Variants in PPP5C observed in about 807,000 individuals in gnomAD.
PPP5C encodes serine/threonine-protein phosphatase 5.
Under a neutral mutation model 66.7 loss-of-function variants are expected in PPP5C, and 21 were observed. The ratio of observed to expected loss-of-function variants is 0.31; its 90% CI spans 0.22 to 0.45. PPP5C has a LOEUF of 0.45. PPP5C is among the 20% of genes least tolerant of loss of function. The probability of loss-of-function intolerance (pLI) is 1.00; values close to 1 mark genes in which losing one functional copy is unlikely to be tolerated. For synonymous variants in PPP5C, 246 were observed against 257.4 expected (o/e 0.96, Z 0.43); for missense variants, 464 against 675.9 (o/e 0.69, Z 3.48).
rs141536166 is a variant in PPP5C, at chr19:46,390,296, G to A, written c.1450G>A (p.Val484Ile). The A allele has an allele frequency of 1.1e-4, 181 of 1,591,840 alleles. No individual in the cohort carries two copies. In the African/African-American group the frequency reaches 1.9e-3, roughly 16 times the overall value. ...HQFTAVPHPN[V>I]KPMAYANTLL... ...CCTGGTCCCACAGCCTCATCCCAAC[G>A]TCAAGCCCATGGCCTATGCCAACAC... The change falls in exon 13 of 13, where the codon GTC becomes ATC. Residue 484 changes from valine to isoleucine, a missense_variant. Around this residue, in one of 2 missense-constraint regions of PPP5C, gnomAD observed 387 missense variants for 626.0 expected, o/e 0.62. Coordinates refer to ENST00000012443, the MANE Select transcript of PPP5C (RefSeq NM_006247.4).
chr19:46,347,928 T>A, intron 1 of PPP5C, among the ~76,000 whole-genome samples: 1 of 141,250 alleles, frequency 7.1e-6, no homozygotes, highest in Non-Finnish European at 1.5e-5. Flanking sequence ...ATTTTGCAGG[T>A]GAACCAGACA....
rs984960327 is a variant in PPP5C at position 46,388,164 on chromosome 19, A to G, written c.1136-244A>G. 6 of 500,846 alleles carry G rather than the reference A, an allele frequency of 1.2e-5. No homozygotes were observed. The highest frequency in any genetic ancestry group is 7.6e-5 in the African/African-American group (4 of 52,662). The allele number at this position is 500,846 out of a possible 1,614,324, so 31.0% of individuals were successfully genotyped here. A position where few individuals can be genotyped will look rare whatever the true frequency, so the allele number is the denominator to read the frequency against. On this transcript the variant is annotated intron_variant, in intron 9 of 12. Coordinates refer to ENST00000012443, the MANE Select transcript of PPP5C (RefSeq NM_006247.4). This position sits in a 1 kb window ranked among gnomAD's most constrained non-coding sequence, Gnocchi z 4.9. ...TCTGAATAGTGACATTGAAAGCTCTATCTGGCTTCGGGGCCACAGGGGATT... is the reference window on the plus strand; with the variant it reads ...TCTGAATAGTGACATTGAAAGCTCTGTCTGGCTTCGGGGCCACAGGGGATT...
chr19:46,383,069 T>C lies in PPP5C; in HGVS notation c.634-342T>C. ...TTTTTGGGAGACTCTTTTATGACAG[T>C]GACATTGCGCTGTGTCCAGGCCAGT... On this transcript the variant is annotated intron_variant, in intron 4 of 12. Transcript: ENST00000012443. This position sits in a 1 kb window ranked among gnomAD's most constrained non-coding sequence, Gnocchi z 5.0. The C allele has an allele frequency of 8.9e-7, 1 of 1,117,614 alleles. No homozygotes were observed. Among genetic ancestry groups the C allele is most frequent in the Non-Finnish European group, 1.1e-6 (1 of 872,836 alleles). The allele number at this position is 1,117,614 out of a possible 1,614,324, so 69.2% of individuals were successfully genotyped here.
rs1158423038 is a variant in PPP5C at position 46,363,307 on chromosome 19, CAAAAA to C, written c.363+9354_363+9358del. On this transcript the variant is annotated intron_variant, in intron 2 of 12. Transcript: ENST00000012443. ...TGGGCGACAGAGCGAGACTCCATCT[CAAAAA>C]AAAAAAAAAAAAAAAAAAAAAAAAA... Among the ~76,000 whole-genome samples, 192 of 27,910 alleles carry C rather than the reference CAAAAA, an allele frequency of 6.9e-3. 1 individual carries two copies. The highest frequency in any genetic ancestry group is 9.4e-3 in the African/African-American group (51 of 5,444). The allele number at this position is 27,910 out of a possible 152,430, so 18.3% of individuals were successfully genotyped here. A position where few individuals can be genotyped will look rare whatever the true frequency, so the allele number is the denominator to read the frequency against.
At chr19:46,366,768 G>T (rs190922030) in intron 2 of PPP5C, among the ~76,000 whole-genome samples, 85 of 152,330 alleles carry the variant, frequency 5.6e-4, no homozygotes, top group Middle Eastern at 6.8e-3. Flanking sequence ...ACTAGAGGGT[G>T]TGAGTTACGG....
chr19:46,384,972 C>A, intron 7 of PPP5C, 63 bp downstream of exon 7: 1 of 1,247,140 alleles, frequency 8.0e-7, no homozygotes, highest in Non-Finnish European at 1.2e-6. Context: ...ACTCACTCTG[C>A]AAGGATAATA....
At chr19:46,384,769 C>T (rs1412345338) in intron 6 of PPP5C, 35 bp from the exon 7 acceptor site, 2 of 1,536,194 alleles carry the variant, frequency 1.3e-6, no homozygotes, top group Non-Finnish European at 1.8e-6. Flanking sequence ...GCACCCTTCC[C>T]CTCCACGCTT....
In PPP5C at chr19:46,348,612, C is replaced by A. The variant is rs78872563; in HGVS notation, c.121+1395C>A. On this transcript the variant is annotated intron_variant, in intron 1 of 12. Transcript: ENST00000012443. ...TACAGGCATGAGCCACCACGCCCAG[C>A]CCTACAAGAAGACACATTAAGTAAA... is the stretch of plus-strand genomic sequence containing the variant. Among the ~76,000 whole-genome samples, 1,125 of 152,184 alleles carry A rather than the reference C, an allele frequency of 7.4e-3. 12 individuals are homozygous for A. The highest frequency in any genetic ancestry group is 0.013 in the Non-Finnish European group (853 of 68,028).
At position 46,347,175 on chromosome 19, in the gene PPP5C, C is replaced by T. The variant is rs1345005397; in HGVS notation, c.79C>T (p.Arg27Trp). The stretch of plus-strand genomic sequence containing the variant: ...ACCCCCGGCTGATGGAGCTCTGAAG[C>T]GGGCAGAGGAGCTCAAGACTCAGGC... ...DEPPADGALK[R>W]AEELKTQAND... is the part of the protein sequence containing the mutation. Residue 27 changes from arginine (R) to tryptophan (W), a missense_variant, in exon 1 of 13, where the codon CGG becomes TGG. Arg to Trp is a moderately radical substitution (Grantham distance 101). Transcript: ENST00000012443. 1 of 1,606,036 alleles carries T rather than the reference C, an allele frequency of 6.2e-7. No individual in the cohort carries two copies. Among genetic ancestry groups the T allele is most frequent in the East Asian group, 2.2e-5 (1 of 44,522 alleles).
chr19:46,385,861 T>C (rs1175803212), intron 7 of PPP5C, among the ~76,000 whole-genome samples: 2 of 151,274 alleles, frequency 1.3e-5, no homozygotes, highest in Non-Finnish European at 2.9e-5. Context: ...GAAGGATTGC[T>C]TGAGCCCAGG....
rs533018814 is a variant in PPP5C at position 46,386,008 on chromosome 19, G to C, written c.905-1085G>C. Among the ~76,000 whole-genome samples the C allele has an allele frequency of 3.3e-5, 5 of 151,938 alleles. No individual in the cohort carries two copies. In the South Asian group the frequency reaches 8.3e-4, roughly 25 times the overall value. On this transcript the variant is annotated intron_variant, in intron 7 of 12. Transcript: ENST00000012443. ...GCCCAGAGTATTTGCTGGAGGAACA[G>C]ACACAGGTGTGAGACAAAGAGGGAA...
At chr19:46,379,851 C>T (rs948291994) in intron 4 of PPP5C, among the ~76,000 whole-genome samples, 2 of 142,484 alleles carry the variant, frequency 1.4e-5, no homozygotes, top group Non-Finnish European at 3.3e-5. Context: ...TGTGTGCTCT[C>T]CTTGGGAGAA....
intron 2 of PPP5C, among the ~76,000 whole-genome samples, chr19:46,363,445 T>G (rs1202815414): frequency 2.0e-5 from 3 of 149,818 alleles, no homozygotes; most frequent in African/African-American, 7.4e-5. Flanking sequence ...ATTTTTTTCT[T>G]TTTCAGACGG....
chr19:46,350,523 G>A (rs1972165035), intron 1 of PPP5C, among the ~76,000 whole-genome samples: 1 of 152,188 alleles, frequency 6.6e-6, no homozygotes, highest in Non-Finnish European at 1.5e-5. Context: ...GAGCTGGCAC[G>A]GAGGAGAACG....
At chr19:46,352,211 C>T (rs1972199003) in intron 1 of PPP5C, among the ~76,000 whole-genome samples, 1 of 152,204 alleles carries the variant, frequency 6.6e-6, no homozygotes, top group African/African-American at 2.4e-5. Flanking sequence ...TCTGTCTCCT[C>T]CACTGGATGG....
At chr19:46,351,915 G>A (rs989300584) in intron 1 of PPP5C, among the ~76,000 whole-genome samples, 4 of 152,198 alleles carry the variant, frequency 2.6e-5, no homozygotes, top group Non-Finnish European at 4.4e-5. Flanking sequence ...CCGGAGGAGG[G>A]GACATGTGAG....
At chr19:46,364,619 G>A (rs746038409) in intron 2 of PPP5C, among the ~76,000 whole-genome samples, 1 of 152,034 alleles carries the variant, frequency 6.6e-6, no homozygotes, top group Non-Finnish European at 1.5e-5. Context: ...AAGTTCAGCA[G>A]ACAGTTGGAG....
At chr19:46,349,376 G>C (rs182177919) in intron 1 of PPP5C, among the ~76,000 whole-genome samples, 1 of 152,252 alleles carries the variant, frequency 6.6e-6, no homozygotes, top group Admixed American at 6.5e-5. Context: ...TAGAGATGGA[G>C]AATTGATTCT....
rs760270971 is a variant in PPP5C at position 46,387,462 on chromosome 19, C to T, written c.1135+9C>T. On this transcript the variant is annotated intron_variant, in intron 9 of 12. Coordinates refer to ENST00000012443, the MANE Select transcript of PPP5C (RefSeq NM_006247.4). The stretch of plus-strand genomic sequence containing the variant: ...ACAACCCCCAGATTCAGGTGAGCAG[C>T]GCGGGGCCAGGTGTCTCCAGCAGAA... 10 of 1,613,946 alleles carry T rather than the reference C, an allele frequency of 6.2e-6. No individual in the cohort carries two copies. Among genetic ancestry groups the T allele is most frequent in the Middle Eastern group, 1.6e-4 (1 of 6,062 alleles).
Sources: allele counts gnomAD v4.1 joint callset (sites outside exome capture counted in the v4.1 genomes callset), GRCh38; gene constraint gnomAD v4.1.1; regional missense constraint gnomAD v4.1.1; non-coding constraint Gnocchi (gnomAD v3.1); transcripts MANE v1.5; gene names NCBI Gene and HGNC (gene_info 2026-07-23, HGNC 2026-07-21).